ATXN10: variants seen among roughly 807,000 people sequenced by gnomAD.
ATXN10 encodes ataxin 10.
In ATXN10, 28 loss-of-function variants were observed where a neutral mutation model predicts 52.9. The ratio of observed to expected loss-of-function variants is 0.53; its 90% CI spans 0.39 to 0.73. The LOEUF (loss-of-function observed/expected upper bound fraction) is 0.73. Among genes scored for constraint, ATXN10 ranks in the 30% least tolerant of loss-of-function variants. The pLI is 0.00. For missense variants in ATXN10, 565 were observed against 577.0 expected (o/e 0.98, Z 0.21); for synonymous variants, 226 against 221.5 (o/e 1.02, Z -0.18).
chr22:45,835,117 A>G lies in ATXN10; in HGVS notation c.1238-7874A>G, dbSNP rs1302691507. Among the ~76,000 whole-genome samples, 2 of 152,206 alleles carry G rather than the reference A, an allele frequency of 1.3e-5. No individual in the cohort carries two copies. The highest frequency in any genetic ancestry group is 2.9e-5 in the Non-Finnish European group (2 of 68,030). On this transcript the variant is annotated intron_variant, in intron 10 of 11. Coordinates refer to ENST00000252934, the MANE Select transcript of ATXN10 (RefSeq NM_013236.4). The surrounding 1 kb of genome is among the most constrained non-coding windows in gnomAD (Gnocchi z 5.0). ...ATCCTTCACCGCCAAAACCCCGTGA[A>G]TGTGAGGTACCTGTGAGCGCGGCCC...
chr22:45,819,661 G>A lies in ATXN10; in HGVS notation c.1237+12639G>A, dbSNP rs952485039. Reference sequence around the variant, plus strand: ...GGAAGTGTGACTGCCTGTGCATGAAGTGCTGAGATGAGTTCTTGGCCTGTG... The same window carrying A: ...GGAAGTGTGACTGCCTGTGCATGAAATGCTGAGATGAGTTCTTGGCCTGTG... On this transcript the variant is annotated intron_variant, in intron 10 of 11. Transcript: ENST00000252934. The surrounding 1 kb of genome is among the most constrained non-coding windows in gnomAD (Gnocchi z 4.5). 3.3e-5 allele frequency among the ~76,000 whole-genome samples: 5 copies of A among 152,206 alleles called. No individual in the cohort carries two copies. The highest frequency in any genetic ancestry group is 4.8e-5 in the African/African-American group (2 of 41,450).
rs971206416 is a variant in ATXN10, at chr22:45,820,151, C to A, written c.1237+13129C>A. On this transcript the variant is annotated intron_variant, in intron 10 of 11. Coordinates refer to ENST00000252934, the MANE Select transcript of ATXN10 (RefSeq NM_013236.4). The surrounding 1 kb of genome is among the most constrained non-coding windows in gnomAD (Gnocchi z 4.9). ...GGACCAATACATTAAAAAGCAAAAA[C>A]GTATTGGGCCTGTTGGATTCTGTGA... Among the ~76,000 whole-genome samples the A allele has an allele frequency of 2.0e-5, 3 of 152,124 alleles. No homozygotes were observed. Among genetic ancestry groups the A allele is most frequent in the African/African-American group, 7.2e-5 (3 of 41,410 alleles).
In ATXN10 at chr22:45,823,281, A is replaced by G. The variant is rs1287654247; in HGVS notation, c.1237+16259A>G. 4.3e-6 allele frequency: 2 copies of G among 462,796 alleles called. No homozygotes were observed. The highest frequency in any genetic ancestry group is 2.4e-5 in the Admixed American group (1 of 41,330). The allele number at this position is 462,796 out of a possible 1,614,324, so 28.7% of individuals were successfully genotyped here. A position where few individuals can be genotyped will look rare whatever the true frequency, so the allele number is the denominator to read the frequency against. ...AATTCCCAATTTTAATGTAAAATTTATCAGTCTTTCCTTCTATGTTTAGTG... is the reference window on the plus strand; with the variant it reads ...AATTCCCAATTTTAATGTAAAATTTGTCAGTCTTTCCTTCTATGTTTAGTG... On this transcript the variant is annotated intron_variant, in intron 10 of 11. Transcript: ENST00000252934. This position sits in a 1 kb window ranked among gnomAD's most constrained non-coding sequence, Gnocchi z 4.9.
intron 10 of ATXN10, among the ~76,000 whole-genome samples, chr22:45,811,274 T>C (rs941603641): frequency 6.6e-5 from 10 of 152,224 alleles, no homozygotes; most frequent in African/African-American, 1.9e-4. Flanking sequence ...AAAATGATTT[T>C]CTGCCTAATA....
At chr22:45,745,570 A>G (rs1366219134) in intron 9 of ATXN10, among the ~76,000 whole-genome samples, 2 of 152,244 alleles carry the variant, frequency 1.3e-5, no homozygotes, top group African/African-American at 4.8e-5. Context: ...TGTATGAAAA[A>G]GTTCAACATG....
intron 9 of ATXN10, chr22:45,793,356 T>C (rs1907851102): frequency 9.0e-6 from 2 of 222,998 alleles, no homozygotes; most frequent in Admixed American, 5.8e-5. Context: ...AGCCTGGCAG[T>C]AATTGTTCTG....
At position 45,825,093 on chromosome 22, in the gene ATXN10, C is replaced by T. The variant is rs967861112; in HGVS notation, c.1238-17898C>T. 1.3e-5 allele frequency among the ~76,000 whole-genome samples: 2 copies of T among 152,214 alleles called. No homozygotes were observed. The highest frequency in any genetic ancestry group is 4.8e-5 in the African/African-American group (2 of 41,458). On this transcript the variant is annotated intron_variant, in intron 10 of 11. Transcript: ENST00000252934. The surrounding 1 kb of genome is among the most constrained non-coding windows in gnomAD (Gnocchi z 4.5). Reference sequence around the variant, plus strand: ...CTGCTGTACACTGTTCCTAGAGCATCTTGCAAGCAGCTTGTGGGAGCCAGG... The same window carrying T: ...CTGCTGTACACTGTTCCTAGAGCATTTTGCAAGCAGCTTGTGGGAGCCAGG...
intron 9 of ATXN10, among the ~76,000 whole-genome samples, chr22:45,776,550 A>G (rs187175095): frequency 3.6e-4 from 55 of 151,526 alleles, no homozygotes; most frequent in Admixed American, 2.3e-3. Flanking sequence ...CTTTAAGGCA[A>G]TTAAACTGAT....
chr22:45,815,570 T>G (rs1442113260), intron 10 of ATXN10, among the ~76,000 whole-genome samples: 1 of 152,128 alleles, frequency 6.6e-6, no homozygotes, highest in Non-Finnish European at 1.5e-5. Flanking sequence ...GTTTTCACTT[T>G]TTTCCTTTCC....
chr22:45,737,162 CGTT>C (rs1569042936), intron 7 of ATXN10, among the ~76,000 whole-genome samples: 2 of 152,134 alleles, frequency 1.3e-5, no homozygotes, highest in African/African-American at 4.8e-5. Context: ...AGTCCGTTAC[CGTT>C]GTAATTCTTT....
chr22:45,833,598 C>A lies in ATXN10; in HGVS notation c.1238-9393C>A, dbSNP rs1482485811. On this transcript the variant is annotated intron_variant, in intron 10 of 11. Transcript: ENST00000252934. The surrounding 1 kb of genome is among the most constrained non-coding windows in gnomAD (Gnocchi z 4.3). The stretch of plus-strand genomic sequence containing the variant: ...CTTTTTCTGCTCCAAATTTTTATTT[C>A]ACTTTGAATTGTTAGCTTATTAGCT... 6.6e-6 allele frequency among the ~76,000 whole-genome samples: 1 copy of A among 152,134 alleles called. No individual in the cohort carries two copies. The highest frequency in any genetic ancestry group is 1.5e-5 in the Non-Finnish European group (1 of 68,014).
chr22:45,698,532 A>G (rs1431421349), intron 3 of ATXN10, among the ~76,000 whole-genome samples: 3 of 152,250 alleles, frequency 2.0e-5, no homozygotes, highest in East Asian at 1.9e-4. Context: ...TATTGAATCT[A>G]TAGATCAATT....
At chr22:45,672,426 C>G (rs1039284087) in intron 1 of ATXN10, 6 of 223,260 alleles carry the variant, frequency 2.7e-5, no homozygotes, top group Non-Finnish European at 3.3e-5. Context: ...TGCGAAGCCG[C>G]GATCCCGGGA....
rs913555354 is a variant in ATXN10 at position 45,829,859 on chromosome 22, T to C, written c.1238-13132T>C. On this transcript the variant is annotated intron_variant, in intron 10 of 11. Transcript: ENST00000252934. ...ATCCCAATGAAATTTTTTGCAGATATAGAAAAACCCATTCCAAACTTCATA... is the reference window on the plus strand; with the variant it reads ...ATCCCAATGAAATTTTTTGCAGATACAGAAAAACCCATTCCAAACTTCATA... 5.9e-5 allele frequency among the ~76,000 whole-genome samples: 9 copies of C among 152,242 alleles called. No individual in the cohort carries two copies. The East Asian group carries it at 1.3e-3, about 23-fold the overall frequency.
At chr22:45,698,213 C>G (rs190356937) in intron 3 of ATXN10, among the ~76,000 whole-genome samples, 1 of 152,264 alleles carries the variant, frequency 6.6e-6, no homozygotes, top group East Asian at 1.9e-4. Context: ...ATTTGAGGAG[C>G]TGTCAGACTT....
chr22:45,752,759 A>T (rs1421901026), intron 9 of ATXN10, among the ~76,000 whole-genome samples: 3 of 148,350 alleles, frequency 2.0e-5, no homozygotes, highest in African/African-American at 5.0e-5. Context: ...TTTTTTTGAG[A>T]CGGAGTTTTG....
rs111874784 is a variant in ATXN10, at chr22:45,795,415, A to T, written c.1174-11544A>T. Among the ~76,000 whole-genome samples, 719 of 134,084 alleles carry T rather than the reference A, an allele frequency of 5.4e-3. 2 individuals carry two copies. The highest frequency in any genetic ancestry group is 8.2e-3 in the South Asian group (34 of 4,162). The allele number at this position is 134,084 out of a possible 152,430, so 88.0% of individuals were successfully genotyped here. ...ATTCTATTCTATTCTATTCTATTCTATTCTATTCTTTTTGAGATGAAGTCT... is the reference window on the plus strand; with the variant it reads ...ATTCTATTCTATTCTATTCTATTCTTTTCTATTCTTTTTGAGATGAAGTCT... On this transcript the variant is annotated intron_variant, in intron 9 of 11. Coordinates refer to ENST00000252934, the MANE Select transcript of ATXN10 (RefSeq NM_013236.4). This position sits in a 1 kb window ranked among gnomAD's most constrained non-coding sequence, Gnocchi z 4.6.
At chr22:45,756,249 A>T (rs115376747) in intron 9 of ATXN10, among the ~76,000 whole-genome samples, 212 of 152,046 alleles carry the variant, frequency 1.4e-3, no homozygotes, top group African/African-American at 4.7e-3. Context: ...GGCTCAAGGG[A>T]TCCTCCCACC....
chr22:45,764,172 C>G (rs951905620), intron 9 of ATXN10, among the ~76,000 whole-genome samples: 26 of 152,124 alleles, frequency 1.7e-4, no homozygotes. Context: ...CAGGAATCAT[C>G]TTCTCCCTCC....
Sources: allele counts gnomAD v4.1 joint callset (sites outside exome capture counted in the v4.1 genomes callset), GRCh38; gene constraint gnomAD v4.1.1; non-coding constraint Gnocchi (gnomAD v3.1); transcripts MANE v1.5; gene names NCBI Gene and HGNC (gene_info 2026-07-23, HGNC 2026-07-21).